The following RBFOX2 variants were observed in gnomAD, a reference collection of about 807,000 sequenced individuals.
RBFOX2 encodes RNA binding protein fox-1 homolog 2.
In RBFOX2, 10 loss-of-function variants were observed where a neutral mutation model predicts 49.1. The ratio of observed to expected loss-of-function variants is 0.20; its 90% confidence interval spans 0.13 to 0.35. The LOEUF (loss-of-function observed/expected upper bound fraction) is 0.35. Ranked by LOEUF, RBFOX2 falls within the 10% of genes least tolerant of loss-of-function variation. The pLI, the probability that RBFOX2 is intolerant of heterozygous loss-of-function variation, is 1.00. For missense variants in RBFOX2, 323 were observed against 486.9 expected (o/e 0.66, Z 3.17); for synonymous variants, 183 against 187.4 (o/e 0.98, Z 0.19).
chr22:35,872,268 G>A (rs1375817369), intron 1 of RBFOX2, among the ~76,000 whole-genome samples: 1 of 152,140 alleles, frequency 6.6e-6, no homozygotes, highest in Non-Finnish European at 1.5e-5. Context: ...TATATAGACG[G>A]GCAGGCTGTG....
At chr22:35,934,336 A>T (rs1235163553) in intron 1 of RBFOX2, among the ~76,000 whole-genome samples, 1 of 152,152 alleles carries the variant, frequency 6.6e-6, no homozygotes, top group Non-Finnish European at 1.5e-5. Flanking sequence ...ATATTAAAAT[A>T]AAAGTTTAAA....
intron 3 of RBFOX2, among the ~76,000 whole-genome samples, chr22:35,781,319 T>A (rs1477205086): frequency 6.6e-6 from 1 of 152,188 alleles, no homozygotes; most frequent in Non-Finnish European, 1.5e-5. Context: ...AGGGTGACCA[T>A]CCTGGTTTCA....
intron 1 of RBFOX2, among the ~76,000 whole-genome samples, chr22:36,013,357 T>C (rs1050973570): frequency 6.6e-6 from 1 of 152,092 alleles, no homozygotes; most frequent in Non-Finnish European, 1.5e-5. Flanking sequence ...GTAATAATAA[T>C]AAAAATGGCT....
chr22:35,787,257 T>C (rs1262874202), intron 2 of RBFOX2, among the ~76,000 whole-genome samples: 2 of 152,066 alleles, frequency 1.3e-5, no homozygotes, highest in Non-Finnish European at 2.9e-5. Context: ...CAGGCTGGTT[T>C]GAACTCCTGA....
chr22:35,958,647 T>C (rs1316517709), intron 1 of RBFOX2, among the ~76,000 whole-genome samples: 1 of 152,202 alleles, frequency 6.6e-6, no homozygotes, highest in African/African-American at 2.4e-5. Context: ...GCTCATTACT[T>C]ACCAATTCAG....
At chr22:35,898,276 A>T in intron 1 of RBFOX2, 1 of 749,572 alleles carries the variant, frequency 1.3e-6, no homozygotes. Context: ...CACCTTTCCC[A>T]TGAGGTATGA....
intron 1 of RBFOX2, among the ~76,000 whole-genome samples, chr22:35,836,994 A>G (rs1469687887): frequency 1.3e-5 from 2 of 152,226 alleles, no homozygotes; most frequent in African/African-American, 2.4e-5. Flanking sequence ...TACTCCTACA[A>G]CATACACATG....
intron 1 of RBFOX2, among the ~76,000 whole-genome samples, chr22:35,874,814 G>A (rs2044806223): frequency 6.6e-6 from 1 of 152,100 alleles, no homozygotes; most frequent in Non-Finnish European, 1.5e-5. Context: ...AAGTGTTTGT[G>A]TCCCCCCAAC....
chr22:35,910,515 A>G (rs1417200300), intron 1 of RBFOX2, among the ~76,000 whole-genome samples: 1 of 152,218 alleles, frequency 6.6e-6, no homozygotes, highest in Non-Finnish European at 1.5e-5. Flanking sequence ...AAGTGTGAGA[A>G]ACAGACTCAG....
At chr22:35,893,065 G>A (rs1244095872) in intron 1 of RBFOX2, among the ~76,000 whole-genome samples, 1 of 152,230 alleles carries the variant, frequency 6.6e-6, no homozygotes, top group Non-Finnish European at 1.5e-5. Context: ...TAATAAAAGA[G>A]ATAGAGCTGA....
intron 1 of RBFOX2, among the ~76,000 whole-genome samples, chr22:35,830,517 TCA>T (rs1956589470): frequency 6.6e-6 from 1 of 152,220 alleles, no homozygotes; most frequent in African/African-American, 2.4e-5. Flanking sequence ...TGTGTGAACA[TCA>T]CACAGTGTAC....
rs1226395288 is a variant in RBFOX2 at position 35,790,014 on chromosome 22, G to C, written c.253-8268C>G. On this transcript the variant is annotated intron_variant, in intron 2 of 11. Coordinates refer to ENST00000405409, the Ensembl canonical transcript of RBFOX2. ...TCTTTAAGTCTTCTTGAGCAAGTCA[G>C]GTTCTTCAAAAAAGTCTTCCAATCT... Among the ~76,000 whole-genome samples, 3 of 152,222 alleles carry C rather than the reference G, an allele frequency of 2.0e-5. No homozygotes were observed. In the East Asian group the frequency reaches 5.8e-4, roughly 29 times the overall value.
chr22:35,949,906 T>C (rs1212728266), intron 1 of RBFOX2, among the ~76,000 whole-genome samples: 1 of 152,190 alleles, frequency 6.6e-6, no homozygotes, highest in African/African-American at 2.4e-5. Flanking sequence ...CATAAAAGTT[T>C]TTAATTTTGA....
At chr22:35,855,348 CA>C (rs2042391171) in intron 1 of RBFOX2, among the ~76,000 whole-genome samples, 1 of 152,100 alleles carries the variant, frequency 6.6e-6, no homozygotes, top group Non-Finnish European at 1.5e-5. Flanking sequence ...AACATGAATT[CA>C]GAAAATAGTC....
chr22:35,852,708 G>A (rs1258192015), intron 1 of RBFOX2, among the ~76,000 whole-genome samples: 3 of 152,088 alleles, frequency 2.0e-5, no homozygotes, highest in Non-Finnish European at 2.9e-5. Flanking sequence ...ACTGGAAAAT[G>A]ATGATATGTC....
At chr22:35,928,777 G>A (rs946768290) in intron 1 of RBFOX2, among the ~76,000 whole-genome samples, 1 of 151,972 alleles carries the variant, frequency 6.6e-6, no homozygotes, top group African/African-American at 2.4e-5. Context: ...ATAAAAAGTG[G>A]GCAAAAGACC....
intron 4 of RBFOX2, among the ~76,000 whole-genome samples, chr22:35,771,527 A>G (rs1403199700): frequency 6.6e-6 from 1 of 152,188 alleles, no homozygotes; most frequent in Non-Finnish European, 1.5e-5. Context: ...GTGTGGTTTT[A>G]AGCCACCCGA....
intron 5 of RBFOX2, among the ~76,000 whole-genome samples, chr22:35,766,762 A>C (rs1300102794): frequency 6.6e-6 from 1 of 152,252 alleles, no homozygotes; most frequent in Non-Finnish European, 1.5e-5. Flanking sequence ...AGAATGGAGC[A>C]AGAGCTGAAA....
chr22:35,881,441 G>T (rs1225329923), intron 1 of RBFOX2, among the ~76,000 whole-genome samples: 1 of 151,826 alleles, frequency 6.6e-6, no homozygotes, highest in East Asian at 1.9e-4. Context: ...ATACAAAAAT[G>T]GTGGCACACA....
Sources: gnomAD v4.1 joint callset for allele counts (sites outside exome capture counted in the v4.1 genomes callset) on GRCh38, gnomAD v4.1.1 for gene constraint, MANE v1.5 for transcripts, NCBI Gene and HGNC (gene_info 2026-07-23, HGNC 2026-07-21) for gene names.